The following UQCRC1 variants were observed in gnomAD, a reference collection of about 807,000 sequenced individuals.
The protein encoded by UQCRC1 is cytochrome b-c1 complex subunit 1, mitochondrial.
UQCRC1 carries 34 observed loss-of-function variants against 58.0 expected under a neutral mutation model. The ratio of observed to expected loss-of-function variants is 0.59; its 90% CI spans 0.45 to 0.78. UQCRC1 has a LOEUF of 0.78. Among genes scored for constraint, UQCRC1 ranks in the 30% least tolerant of loss-of-function variants. The pLI is 0.00. For synonymous variants in UQCRC1, 276 were observed against 248.8 expected, an observed-to-expected ratio of 1.11 and a Z score of -1.03; for missense variants, 610 against 646.0, an observed-to-expected ratio of 0.94 and a Z score of 0.60.
Position 48,607,331 on chromosome 3 carries a change from G to GCGTC in UQCRC1, c.211-1479_211-1476dup, listed in dbSNP as rs573003726. ...GCTGGGATTACAGGCGTGAGCCACC[G>GCGTC]CGTCTAGCCTAATTTTTGTATTTTT... On this transcript the variant is annotated intron_variant, in intron 2 of 12. Coordinates refer to ENST00000203407, the MANE Select transcript of UQCRC1 (RefSeq NM_003365.3). 4.3e-4 allele frequency among the ~76,000 whole-genome samples: 66 copies of GCGTC among 152,096 alleles called. No homozygotes were observed. The South Asian group carries it at 9.4e-3, about 22-fold the overall frequency.
chr3:48,599,320 G>T, intron 12 of UQCRC1, 128 bp from the exon 13 acceptor site: 1 of 1,123,516 alleles, frequency 8.9e-7, no homozygotes, highest in Non-Finnish European at 1.3e-6. Context: ...GGAAAGAGAG[G>T]AGAGAACATT....
chr3:48,602,049 T>C (rs937355696), intron 6 of UQCRC1, among the ~76,000 whole-genome samples: 1 of 148,288 alleles, frequency 6.7e-6, no homozygotes, highest in African/African-American at 2.5e-5. Flanking sequence ...CCAGTTGCAT[T>C]GGCCTTTTTT....
Position 48,609,196 on chromosome 3 carries a change from A to C in UQCRC1, c.176T>G (p.Val59Gly). The C allele has an allele frequency of 6.2e-7, 1 of 1,612,694 alleles. No homozygotes were observed. The highest frequency in any genetic ancestry group is 8.5e-7 in the Non-Finnish European group (1 of 1,179,472). Residue 59 changes from valine to glycine, a missense_variant, in exon 2 of 13, where the codon GTG becomes GGG. Coordinates refer to ENST00000203407, the MANE Select transcript of UQCRC1 (RefSeq NM_003365.3). ...QVSLLDNGLR[V>G]ASEQSSQPTC... is the part of the protein sequence containing the mutation. Reference sequence around the variant, plus strand: ...GGGCTGAGAGGACTGCTCGGAGGCCACACGCAGGCCGTTGTCCAGCAGGCT... The same window carrying C: ...GGGCTGAGAGGACTGCTCGGAGGCCCCACGCAGGCCGTTGTCCAGCAGGCT...
chr3:48,604,781 C>T lies in UQCRC1; in HGVS notation c.298-1G>A. On this transcript the variant is annotated splice_acceptor_variant, in intron 3 of 12. Coordinates refer to ENST00000203407, the MANE Select transcript of UQCRC1 (RefSeq NM_003365.3). LOFTEE classifies it high-confidence loss of function. ...CACTGCCAGGCCGATTCTTTGTTCC[C>T]TGGAACCAGATATCAACCAGAACAA... 1.2e-6 allele frequency: 2 copies of T among 1,613,992 alleles called. No homozygotes were observed. Among genetic ancestry groups the T allele is most frequent in the Non-Finnish European group, 1.7e-6 (2 of 1,179,988 alleles).
chr3:48,605,565 T>C (rs2046404027), intron 3 of UQCRC1, among the ~76,000 whole-genome samples: 1 of 152,202 alleles, frequency 6.6e-6, no homozygotes, highest in South Asian at 2.1e-4. Context: ...TTGGGTCCTC[T>C]TGGCTCTGAG....
intron 4 of UQCRC1, 109 bp downstream of exon 4, chr3:48,604,542 G>A: frequency 6.3e-7 from 1 of 1,586,192 alleles, no homozygotes; most frequent in East Asian, 2.3e-5. Flanking sequence ...TTGCCCAGCT[G>A]CAAAGCCATA....
chr3:48,607,248 A>G (rs1262104881), intron 2 of UQCRC1, among the ~76,000 whole-genome samples: 3 of 152,090 alleles, frequency 2.0e-5, no homozygotes, highest in South Asian at 4.1e-4. Flanking sequence ...TCACCGTGTT[A>G]GCCAGGATGG....
intron 5 of UQCRC1, among the ~76,000 whole-genome samples, 165 bp from the exon 6 acceptor site, chr3:48,603,808 C>A: frequency 6.6e-6 from 1 of 152,206 alleles, no homozygotes; most frequent in East Asian, 1.9e-4. Context: ...GCCACCCACC[C>A]CTCCAGGGCC....
At chr3:48,599,549 C>A (rs113291815) in intron 12 of UQCRC1, 86 bp downstream of exon 12, 2 of 1,448,984 alleles carry the variant, frequency 1.4e-6, no homozygotes, top group African/African-American at 1.4e-5. Flanking sequence ...GTAAGCTGAG[C>A]AGCAGTGCGG....
rs1228807020 is a variant in UQCRC1 at position 48,600,849 on chromosome 3, G to A, written c.967-9C>T. The A allele has an allele frequency of 1.2e-6, 2 of 1,613,612 alleles. No homozygotes were observed. Among genetic ancestry groups the A allele is most frequent in the East Asian group, 2.2e-5 (1 of 44,896 alleles). On this transcript the variant is annotated splice_polypyrimidine_tract_variant and intron_variant, in intron 8 of 12. Coordinates refer to ENST00000203407, the MANE Select transcript of UQCRC1 (RefSeq NM_003365.3). Reference sequence around the variant, plus strand: ...AGTGGGCTGGACAGGTGCTGCCAGGGGGATAGGTGGTCAGCACCCACCCTC... The same window carrying A: ...AGTGGGCTGGACAGGTGCTGCCAGGAGGATAGGTGGTCAGCACCCACCCTC...
Position 48,601,396 on chromosome 3 carries a change from C to T in UQCRC1, c.778G>A (p.Asp260Asn). Reference protein sequence around the residue: ...LGGIPWTYAEDAVPTLTPCRF... With the variant: ...LGGIPWTYAENAVPTLTPCRF... ...CATGGAGTAAGAGTGGGCACAGCGT[C>T]CTCTGCATATGTCCATGGGATGCCA... The change falls in exon 7 of 13, where the codon GAC (aspartate) becomes AAC (asparagine). Residue 260 changes from aspartate (D) to asparagine (N), a missense_variant. Coordinates refer to ENST00000203407, the MANE Select transcript of UQCRC1 (RefSeq NM_003365.3). 1 of 1,614,202 alleles carries T rather than the reference C, an allele frequency of 6.2e-7. No individual in the cohort carries two copies. The highest frequency in any genetic ancestry group is 8.5e-7 in the Non-Finnish European group (1 of 1,180,042).
chr3:48,604,212 A>G lies in UQCRC1; in HGVS notation c.626+21T>C, dbSNP rs200341051. 100 of 1,610,842 alleles carry G rather than the reference A, an allele frequency of 6.2e-5. No individual in the cohort carries two copies. In the African/African-American group the frequency reaches 1.3e-3, roughly 20 times the overall value. ...GCCAGAATGGAGCAAGCATCCCCCC[A>G]CAAGGCCAGCCAACTCTCACCTGAC... is the stretch of plus-strand genomic sequence containing the variant. On this transcript the variant is annotated intron_variant, in intron 5 of 12. Transcript: ENST00000203407.
At position 48,599,705 on chromosome 3, in the gene UQCRC1, C is replaced by T; in HGVS notation, c.1308G>A (p.Val436=). 1.2e-6 allele frequency: 2 copies of T among 1,613,730 alleles called. No individual in the cohort carries two copies. Among genetic ancestry groups the T allele is most frequent in the Non-Finnish European group, 1.7e-6 (2 of 1,179,986 alleles). The change falls in exon 12 of 13, where the codon GTG becomes GTA. Residue 436 remains valine (V), a synonymous_variant. Transcript: ENST00000203407. ...AGATCTCACGTACCACACTGGCATCCACCTCCTGCAGGGTGAGGCAGAGGG... is the reference window on the plus strand; with the variant it reads ...AGATCTCACGTACCACACTGGCATCTACCTCCTGCAGGGTGAGGCAGAGGG... ...LAEWESRIAE[V]DASVVREICS...
In UQCRC1 at chr3:48,600,472, T is replaced by C. The variant is rs1002636950; in HGVS notation, c.1213+10A>G. 2.5e-6 allele frequency: 4 copies of C among 1,614,032 alleles called. No homozygotes were observed. The highest frequency in any genetic ancestry group is 2.5e-6 in the Non-Finnish European group (3 of 1,180,018). ...TACTCTACCCCTCCCCGCTGAGCTG[T>C]AGGACTCACCATCTAGATGAGATAC... On this transcript the variant is annotated intron_variant, in intron 10 of 12. Transcript: ENST00000203407.
Position 48,605,870 on chromosome 3 carries a change from C to T in UQCRC1, c.211-14G>A. 6.2e-7 allele frequency: 1 copy of T among 1,613,050 alleles called. No homozygotes were observed. On this transcript the variant is annotated splice_polypyrimidine_tract_variant and intron_variant, in intron 2 of 12. Transcript: ENST00000203407. ...CCACACTCCCACCTGGTCAAGAAGCCACCAGAAAAGGTTACAAACAAACCA... is the reference window on the plus strand; with the variant it reads ...CCACACTCCCACCTGGTCAAGAAGCTACCAGAAAAGGTTACAAACAAACCA...
At chr3:48,601,164 G>A in intron 7 of UQCRC1, 46 bp from the exon 8 acceptor site, 1 of 1,573,340 alleles carries the variant, frequency 6.4e-7, no homozygotes, top group East Asian at 2.3e-5. Context: ...GACTGCCAGG[G>A]GAACAGAAAA....
intron 1 of UQCRC1, 125 bp from the exon 2 acceptor site, chr3:48,609,427 G>C: frequency 6.6e-7 from 1 of 1,509,716 alleles, no homozygotes; most frequent in Non-Finnish European, 8.9e-7. Context: ...CCCGCCCTCC[G>C]CCGTGACCTT....
At chr3:48,604,211 C>CA in intron 5 of UQCRC1, 22 bp downstream of exon 5, 2 of 1,610,662 alleles carry the variant, frequency 1.2e-6, no homozygotes, top group East Asian at 4.5e-5. Context: ...AGCATCCCCC[C>CA]ACAAGGCCAG....
Position 48,604,726 on chromosome 3 carries a change from C to G in UQCRC1, c.352G>C (p.Ala118Pro). The change falls in exon 4 of 13, where the codon GCC becomes CCC. Residue 118 changes from alanine (A) to proline (P), a missense_variant. Physicochemically the swap from Ala to Pro is conservative, Grantham distance 27. Transcript: ENST00000203407. ...ALEKEVESMG[A>P]HLNAYSTREH... ...CGGGTGCTGTAGGCATTAAGATGGG[C>G]CCCCATGCTCTCCACCTCCTTCTCC... 2 of 1,614,102 alleles carry G rather than the reference C, an allele frequency of 1.2e-6. No individual in the cohort carries two copies. Among genetic ancestry groups the G allele is most frequent in the South Asian group, 2.2e-5 (2 of 91,078 alleles).
Sources: allele counts gnomAD v4.1 joint callset (sites outside exome capture counted in the v4.1 genomes callset), GRCh38; gene constraint gnomAD v4.1.1; transcripts MANE v1.5; gene names NCBI Gene and HGNC (gene_info 2026-07-23, HGNC 2026-07-21).